The following BAALC variants were observed in gnomAD, a reference collection of about 807,000 sequenced individuals.
BAALC encodes the protein BAALC binder of MAP3K1 and KLF4.
BAALC carries 9 observed loss-of-function variants against 15.5 expected under a neutral mutation model. The observed-to-expected ratio is 0.58, with a 90% CI of 0.35 to 1.02. The LOEUF (loss-of-function observed/expected upper bound fraction) is 1.02. Ranked by LOEUF, BAALC falls within the 50% of genes least tolerant of loss-of-function variation. BAALC has a pLI of 0.02. For synonymous variants in BAALC, 80 were observed against 74.6 expected, an observed-to-expected ratio of 1.07 and a Z score of -0.37; for missense variants, 201 against 192.4, an observed-to-expected ratio of 1.04 and a Z score of -0.27.
chr8:103,142,414 T>C (rs1810797906), intron 1 of BAALC, among the ~76,000 whole-genome samples: 1 of 152,248 alleles, frequency 6.6e-6, no homozygotes, highest in African/African-American at 2.4e-5. Context: ...GTATTGCCAA[T>C]GCTTTTAGCA....
intron 1 of BAALC, among the ~76,000 whole-genome samples, chr8:103,153,933 G>T (rs1406568405): frequency 6.6e-6 from 1 of 152,190 alleles, no homozygotes; most frequent in Non-Finnish European, 1.5e-5. Flanking sequence ...TACAATGGAA[G>T]CAGAGACCGC....
At chr8:103,150,169 A>G (rs1457215400) in intron 1 of BAALC, among the ~76,000 whole-genome samples, 1 of 152,100 alleles carries the variant, frequency 6.6e-6, no homozygotes, top group African/African-American at 2.4e-5. Context: ...ATCTCATGAG[A>G]CTTATTCACT....
chr8:103,181,476 G>T (rs1353413804), intron 1 of BAALC, among the ~76,000 whole-genome samples: 1 of 152,072 alleles, frequency 6.6e-6, no homozygotes, highest in East Asian at 1.9e-4. Context: ...GTTTCACCAT[G>T]TTAGCCAGGA....
At chr8:103,171,246 G>A (rs1054973265) in intron 1 of BAALC, among the ~76,000 whole-genome samples, 6 of 146,230 alleles carry the variant, frequency 4.1e-5, no homozygotes, top group African/African-American at 1.5e-4. Context: ...AGAAAGAAAG[G>A]AAGGAAGGAA....
intron 1 of BAALC, among the ~76,000 whole-genome samples, chr8:103,148,722 CGTT>C (rs1181812539): frequency 2.0e-5 from 3 of 152,194 alleles, no homozygotes; most frequent in Non-Finnish European, 4.4e-5. Context: ...AGCAGGTTTC[CGTT>C]GTTTAAGCCA....
intron 1 of BAALC, among the ~76,000 whole-genome samples, chr8:103,144,636 C>A (rs566384365): frequency 6.6e-6 from 1 of 152,212 alleles, no homozygotes; most frequent in Admixed American, 6.5e-5. Flanking sequence ...ATCACAAGCC[C>A]CAAAAATTGC....
intron 1 of BAALC, among the ~76,000 whole-genome samples, chr8:103,172,843 T>C (rs991619402): frequency 2.0e-4 from 30 of 152,228 alleles, no homozygotes; most frequent in Non-Finnish European, 5.9e-5. Flanking sequence ...AATTATGATT[T>C]ACTTAAAAAT....
chr8:103,227,750 C>A (rs952109577), intron 2 of BAALC, among the ~76,000 whole-genome samples: 1 of 151,964 alleles, frequency 6.6e-6, no homozygotes, highest in Non-Finnish European at 1.5e-5. Flanking sequence ...TCTCTACCCT[C>A]CCTTTTCCTT....
chr8:103,164,099 G>A (rs554318502), intron 1 of BAALC, among the ~76,000 whole-genome samples: 172 of 152,298 alleles, frequency 1.1e-3, no homozygotes, highest in Non-Finnish European at 1.8e-3. Flanking sequence ...GTGGTAAGGC[G>A]AGGGGTCTTT....
Position 103,230,196 on chromosome 8 carries a change from T to G in BAALC, c.*2097T>G, listed in dbSNP as rs1386589852. 6.9e-6 allele frequency: 1 copy of G among 145,734 alleles called. No homozygotes were observed. The highest frequency in any genetic ancestry group is 1.5e-5 in the Non-Finnish European group (1 of 66,380). The allele number at this position is 145,734 out of a possible 1,614,324, so 9.0% of individuals were successfully genotyped here. A position where few individuals can be genotyped will look rare whatever the true frequency, so the allele number is the denominator to read the frequency against. The stretch of plus-strand genomic sequence containing the variant: ...TAAACCATGTGACTAAAAATGCATC[T>G]GGCTACTTTTTCATGTATGTATGAG... On this transcript the variant is annotated 3_prime_UTR_variant, in exon 3 of 3. Coordinates refer to ENST00000309982, the MANE Select transcript of BAALC (RefSeq NM_024812.3).
intron 1 of BAALC, among the ~76,000 whole-genome samples, chr8:103,170,529 A>G (rs1811459635): frequency 6.6e-6 from 1 of 152,196 alleles, no homozygotes; most frequent in Non-Finnish European, 1.5e-5. Context: ...TGCCATGTGC[A>G]GTGAAGGCAG....
chr8:103,186,426 A>T (rs935763025), intron 1 of BAALC, among the ~76,000 whole-genome samples: 1 of 152,218 alleles, frequency 6.6e-6, no homozygotes, highest in Non-Finnish European at 1.5e-5. Flanking sequence ...GGCAAAGCCA[A>T]TTCTCATGAC....
intron 1 of BAALC, among the ~76,000 whole-genome samples, chr8:103,151,539 C>T (rs1426538776): frequency 6.6e-6 from 1 of 152,166 alleles, no homozygotes; most frequent in East Asian, 1.9e-4. Context: ...AATCTCAAAC[C>T]TTGGGTCACC....
chr8:103,215,991 G>C (rs986048784), intron 2 of BAALC, among the ~76,000 whole-genome samples: 22 of 152,180 alleles, frequency 1.4e-4, no homozygotes, highest in African/African-American at 5.3e-4. Flanking sequence ...TTATAGATCA[G>C]TTTGGTTTGA....
chr8:103,173,554 G>T (rs1157177611), intron 1 of BAALC, among the ~76,000 whole-genome samples: 1 of 152,140 alleles, frequency 6.6e-6, no homozygotes, highest in Non-Finnish European at 1.5e-5. Flanking sequence ...AAGAATGATA[G>T]TATATCCTCA....
intron 1 of BAALC, among the ~76,000 whole-genome samples, chr8:103,207,955 T>C (rs1471066112): frequency 1.3e-5 from 2 of 152,240 alleles, no homozygotes; most frequent in East Asian, 3.8e-4. Flanking sequence ...CTTATATTCC[T>C]AACCCCTTGG....
chr8:103,226,348 C>T (rs1812806761), intron 2 of BAALC, among the ~76,000 whole-genome samples: 1 of 152,224 alleles, frequency 6.6e-6, no homozygotes. Flanking sequence ...TATGCCCTTC[C>T]ATTTACCTGC....
intron 1 of BAALC, among the ~76,000 whole-genome samples, chr8:103,203,944 T>C (rs1812275458): frequency 6.6e-6 from 1 of 152,220 alleles, no homozygotes; most frequent in Admixed American, 6.5e-5. Context: ...CTTGGGTGTA[T>C]ACCCTACAGG....
At chr8:103,177,608 A>G (rs1257895561) in intron 1 of BAALC, among the ~76,000 whole-genome samples, 2 of 152,104 alleles carry the variant, frequency 1.3e-5, no homozygotes, top group Admixed American at 1.3e-4. Flanking sequence ...ATTTCTCACA[A>G]AATTCCAGTT....
Sources: gnomAD v4.1 joint callset for allele counts (sites outside exome capture counted in the v4.1 genomes callset) on GRCh38, gnomAD v4.1.1 for gene constraint, MANE v1.5 for transcripts, NCBI Gene and HGNC (gene_info 2026-07-23, HGNC 2026-07-21) for gene names.